PACRG: variants seen among roughly 807,000 people sequenced by gnomAD.
The protein encoded by PACRG is parkin coregulated gene protein.
Under a neutral mutation model 29.7 loss-of-function variants are expected in PACRG, and 29 were observed. The ratio of observed to expected loss-of-function variants is 0.98; its 90% confidence interval spans 0.73 to 1.33. PACRG has a LOEUF of 1.33. Ranked by LOEUF, PACRG falls within the 40% of genes most tolerant of loss-of-function variation. The probability of loss-of-function intolerance (pLI) is 0.00; values close to 1 mark genes in which losing one functional copy is unlikely to be tolerated. For missense variants in PACRG, 279 were observed against 316.2 expected (o/e 0.88, Z 0.89); for synonymous variants, 116 against 118.7 (o/e 0.98, Z 0.15).
chr6:163,061,677 C>T (rs1297587205), intron 2 of PACRG, among the ~76,000 whole-genome samples: 1 of 152,150 alleles, frequency 6.6e-6, no homozygotes, highest in Non-Finnish European at 1.5e-5. Flanking sequence ...CTGTTTGCCC[C>T]AAAGAAGGCA....
chr6:162,736,372 C>G (rs1780163492), intron 1 of PACRG, among the ~76,000 whole-genome samples: 1 of 152,100 alleles, frequency 6.6e-6, no homozygotes, highest in Admixed American at 6.5e-5. Flanking sequence ...ATTTACAGTG[C>G]TCACAGAAAT....
At chr6:163,221,046 C>T (rs534951208) in intron 4 of PACRG, among the ~76,000 whole-genome samples, 1 of 152,274 alleles carries the variant, frequency 6.6e-6, no homozygotes, top group East Asian at 1.9e-4. Context: ...GCTTTAGTGT[C>T]TGCAGATTAC....
intron 2 of PACRG, among the ~76,000 whole-genome samples, chr6:162,880,822 GAC>G (rs1411197729): frequency 6.6e-6 from 1 of 152,158 alleles, no homozygotes; most frequent in Admixed American, 6.5e-5. Context: ...GCTTTCATCT[GAC>G]TGTGGCTGCA....
At chr6:162,767,055 C>T (rs187556789) in intron 1 of PACRG, among the ~76,000 whole-genome samples, 5 of 152,024 alleles carry the variant, frequency 3.3e-5, no homozygotes, top group East Asian at 3.9e-4. Context: ...GAAAAACACA[C>T]GGAGTCTATG....
At chr6:163,149,656 C>T (rs1340834869) in intron 4 of PACRG, among the ~76,000 whole-genome samples, 2 of 152,124 alleles carry the variant, frequency 1.3e-5, no homozygotes, top group South Asian at 4.1e-4. Context: ...GCACAGCCTC[C>T]GCCCTCTGGG....
At chr6:162,730,935 A>G (rs1562538740) in intron 1 of PACRG, among the ~76,000 whole-genome samples, 1 of 152,122 alleles carries the variant, frequency 6.6e-6, no homozygotes, top group African/African-American at 2.4e-5. Flanking sequence ...CTAGTAACCC[A>G]GTATTTTGTT....
intron 4 of PACRG, among the ~76,000 whole-genome samples, chr6:163,129,979 C>T (rs1202671385): frequency 2.6e-5 from 4 of 152,098 alleles, no homozygotes; most frequent in Non-Finnish European, 5.9e-5. Flanking sequence ...AGATTAACAC[C>T]AATCTGGCAA....
chr6:162,773,899 G>T (rs1584309736), intron 1 of PACRG, among the ~76,000 whole-genome samples: 1 of 152,062 alleles, frequency 6.6e-6, no homozygotes, highest in East Asian at 1.9e-4. Context: ...AATTTTCATG[G>T]CATCTTGTGG....
intron 2 of PACRG, among the ~76,000 whole-genome samples, chr6:162,967,260 A>AC (rs1801119270): frequency 6.6e-6 from 1 of 150,650 alleles, no homozygotes; most frequent in South Asian, 2.1e-4. Context: ...GAAAAAAAAA[A>AC]CCTTTCAGGT....
chr6:162,736,912 G>C (rs1780209157), intron 1 of PACRG, among the ~76,000 whole-genome samples: 1 of 151,938 alleles, frequency 6.6e-6, no homozygotes, highest in Non-Finnish European at 1.5e-5. Flanking sequence ...TCTATGCTTT[G>C]AATTTGTCAT....
chr6:162,845,870 G>A (rs1237098181), intron 2 of PACRG, among the ~76,000 whole-genome samples: 1 of 152,156 alleles, frequency 6.6e-6, no homozygotes, highest in Non-Finnish European at 1.5e-5. Context: ...TGTATCCTGT[G>A]TTTTACTAAA....
At chr6:163,115,891 G>A (rs1041230081) in intron 4 of PACRG, among the ~76,000 whole-genome samples, 6 of 152,164 alleles carry the variant, frequency 3.9e-5, no homozygotes, top group East Asian at 1.9e-4. Context: ...GTGCAACCAC[G>A]CCCTAACAGA....
At chr6:163,184,497 G>T (rs952058151) in intron 4 of PACRG, among the ~76,000 whole-genome samples, 5 of 152,130 alleles carry the variant, frequency 3.3e-5, no homozygotes, top group Admixed American at 3.3e-4. Flanking sequence ...CTAAATAATG[G>T]TGCAATTCTA....
rs189692628 is a variant in PACRG, at chr6:162,875,364, C to T, written c.291+61083C>T. Among the ~76,000 whole-genome samples, 1,048 of 152,218 alleles carry T rather than the reference C, an allele frequency of 6.9e-3. 9 individuals are homozygous for T. The highest frequency in any genetic ancestry group is 0.01 in the Non-Finnish European group (708 of 68,004). Reference sequence around the variant, plus strand: ...ACACAGTCATGCACACACATTCACACACATTCATACACAGACATTCACACA... The same window carrying T: ...ACACAGTCATGCACACACATTCACATACATTCATACACAGACATTCACACA... On this transcript the variant is annotated intron_variant, in intron 2 of 4. Transcript: ENST00000366888.
In PACRG at chr6:162,744,644, C is replaced by T. The variant is rs191338841; in HGVS notation, c.156+16253C>T. ...AAGTTGTGTATAGTAAGAATTTGGT[C>T]AGTCTTAGGCATATTTGAAATAGGT... On this transcript the variant is annotated intron_variant, in intron 1 of 4. Transcript: ENST00000366888. Among the ~76,000 whole-genome samples the T allele has an allele frequency of 7.2e-5, 11 of 152,158 alleles. No individual in the cohort carries two copies. In the East Asian group the frequency reaches 7.7e-4, roughly 11 times the overall value.
intron 4 of PACRG, among the ~76,000 whole-genome samples, chr6:163,133,283 G>A (rs949955788): frequency 9.2e-5 from 14 of 152,142 alleles, no homozygotes; most frequent in Non-Finnish European, 1.2e-4. Flanking sequence ...ACCTCACTGC[G>A]CAGGAATCTG....
chr6:162,790,046 C>G lies in PACRG; in HGVS notation c.157-24101C>G, dbSNP rs538215813. ...ATAGTAGGCAATTTTTGTGTTGTAT[C>G]TGTGGGGAGAGAGAGTCTGCTTTCA... is the stretch of plus-strand genomic sequence containing the variant. On this transcript the variant is annotated intron_variant, in intron 1 of 4. Coordinates refer to ENST00000366888, the MANE Select transcript of PACRG (RefSeq NM_001080379.2). Among the ~76,000 whole-genome samples the G allele has an allele frequency of 4.6e-5, 7 of 152,206 alleles. No individual in the cohort carries two copies. In the East Asian group the frequency reaches 1.4e-3, roughly 29 times the overall value.
At chr6:162,805,916 C>A (rs1186184041) in intron 1 of PACRG, among the ~76,000 whole-genome samples, 1 of 152,142 alleles carries the variant, frequency 6.6e-6, no homozygotes, top group Non-Finnish European at 1.5e-5. Context: ...CAAAGTTATT[C>A]ATGAGGATTG....
At chr6:162,907,558 C>T (rs1217284569) in intron 2 of PACRG, among the ~76,000 whole-genome samples, 1 of 152,040 alleles carries the variant, frequency 6.6e-6, no homozygotes, top group African/African-American at 2.4e-5. Flanking sequence ...GTGACTTCAT[C>T]AAGCATAACT....
Sources: allele counts gnomAD v4.1 joint callset (sites outside exome capture counted in the v4.1 genomes callset), GRCh38; gene constraint gnomAD v4.1.1; transcripts MANE v1.5; gene names NCBI Gene and HGNC (gene_info 2026-07-23, HGNC 2026-07-21).